CASR: variants seen among roughly 807,000 people sequenced by gnomAD.
The protein encoded by CASR is extracellular calcium-sensing receptor.
A neutral mutation model predicts 69.1 loss-of-function variants in CASR; 23 were observed. The ratio of observed to expected loss-of-function variants is 0.33; its 90% CI spans 0.24 to 0.47. CASR has a LOEUF of 0.47. Ranked by LOEUF, CASR falls within the 20% of genes least tolerant of loss-of-function variation. The pLI is 1.00. For synonymous variants in CASR, 541 were observed against 544.7 expected (o/e 0.99, Z 0.10); for missense variants, 924 against 1,356.1 (o/e 0.68, Z 5.00).
rs77852524 is a variant in CASR at position 122,254,267 on chromosome 3, C to A, written c.78C>A (p.Ala26=). 4 of 1,613,986 alleles carry A rather than the reference C, an allele frequency of 2.5e-6. No individual in the cohort carries two copies. The African/African-American group carries it at 4.0e-5, about 16-fold the overall frequency. The change falls in exon 2 of 7, where the codon GCC becomes GCA. Residue 26 remains alanine, a synonymous_variant. Transcript: ENST00000639785. Reference sequence around the variant, plus strand: ...CTGCCTACGGGCCAGACCAGCGAGCCCAAAAGAAGGGGGACATTATCCTTG... The same window carrying A: ...CTGCCTACGGGCCAGACCAGCGAGCACAAAAGAAGGGGGACATTATCCTTG... The part of the protein sequence containing the change: ...HTSAYGPDQR[A]QKKGDIILGG...
At chr3:122,234,224 T>C (rs2074306437) in intron 1 of CASR, among the ~76,000 whole-genome samples, 1 of 152,236 alleles carries the variant, frequency 6.6e-6, no homozygotes, top group African/African-American at 2.4e-5. Flanking sequence ...CCAAGCTTTG[T>C]GGGCCAATCT....
chr3:122,196,619 C>A (rs748484142), intron 1 of CASR, among the ~76,000 whole-genome samples: 2 of 151,952 alleles, frequency 1.3e-5, no homozygotes, highest in Non-Finnish European at 2.9e-5. Context: ...CTCACTGCAG[C>A]CTTGACCTCC....
intron 4 of CASR, among the ~76,000 whole-genome samples, chr3:122,274,302 G>T (rs2074791229): frequency 6.6e-6 from 1 of 152,230 alleles, no homozygotes; most frequent in Admixed American, 6.5e-5. Flanking sequence ...CATGGACTCT[G>T]CCCCCAAGCA....
intron 4 of CASR, among the ~76,000 whole-genome samples, chr3:122,262,971 A>G (rs952067870): frequency 6.6e-6 from 1 of 152,380 alleles, no homozygotes; most frequent in Non-Finnish European, 1.5e-5. Flanking sequence ...GAGTGTTTCA[A>G]AAAGAAGCAC....
At chr3:122,283,539 A>G in intron 6 of CASR, 148 bp from the exon 7 acceptor site, 6 of 698,532 alleles carry the variant, frequency 8.6e-6, no homozygotes, top group South Asian at 7.6e-5. Context: ...TATTTTTGAT[A>G]ATGTAAAAAT....
chr3:122,194,688 T>G (rs918892649), intron 1 of CASR, among the ~76,000 whole-genome samples: 2 of 152,198 alleles, frequency 1.3e-5, no homozygotes, highest in Non-Finnish European at 2.9e-5. Context: ...ACTAGCCATG[T>G]CTTATAACCC....
At chr3:122,249,404 T>C (rs1207554411) in intron 1 of CASR, among the ~76,000 whole-genome samples, 1 of 152,248 alleles carries the variant, frequency 6.6e-6, no homozygotes, top group Non-Finnish European at 1.5e-5. Flanking sequence ...TTTCTTTCCC[T>C]AGTGTCTTGC....
In CASR at chr3:122,285,708, G is replaced by A. The variant is rs201626418; in HGVS notation, c.*517G>A. The A allele has an allele frequency of 4.0e-5, 7 of 175,386 alleles. No individual in the cohort carries two copies. Among genetic ancestry groups the A allele is most frequent in the Admixed American group, 1.1e-4 (2 of 18,572 alleles). 10.9% of individuals were successfully genotyped at this position (175,386 alleles called of 1,614,324 possible). ...CCATATGATATTTTGTCTCCTACCTGCTGCTGCTATTATGTAACATCCAGA... is the reference window on the plus strand; with the variant it reads ...CCATATGATATTTTGTCTCCTACCTACTGCTGCTATTATGTAACATCCAGA... On this transcript the variant is annotated 3_prime_UTR_variant, in exon 7 of 7. Transcript: ENST00000639785.
chr3:122,191,580 G>A (rs1346378343), intron 1 of CASR, among the ~76,000 whole-genome samples: 1 of 152,110 alleles, frequency 6.6e-6, no homozygotes, highest in Admixed American at 6.5e-5. Context: ...CCAAAGTGCT[G>A]GGATTACAGG....
chr3:122,267,461 G>C (rs1027140513), intron 4 of CASR, among the ~76,000 whole-genome samples: 1 of 152,212 alleles, frequency 6.6e-6, no homozygotes, highest in East Asian at 1.9e-4. Flanking sequence ...GTCTTGAAGG[G>C]TAGATAAAAT....
At position 122,284,730 on chromosome 3, in the gene CASR, C is replaced by A; in HGVS notation, c.2776C>A (p.Gln926Lys). The part of the protein sequence containing the change: ...SKSNSEDPFP[Q>K]PERQKQQQPL... ...GAGCAACAGCGAAGACCCATTCCCA[C>A]AGCCCGAGAGGCAGAAGCAGCAGCA... Residue 926 changes from glutamine to lysine, a missense_variant, in exon 7 of 7, where the codon CAG becomes AAG. By Grantham distance (53) the Gln-to-Lys change is moderately conservative (BLOSUM62 1). Coordinates refer to ENST00000639785, the MANE Select transcript of CASR (RefSeq NM_000388.4). 6.2e-7 allele frequency: 1 copy of A among 1,614,182 alleles called. No individual in the cohort carries two copies. The highest frequency in any genetic ancestry group is 8.5e-7 in the Non-Finnish European group (1 of 1,180,014).
chr3:122,264,497 A>C (rs907705569), intron 4 of CASR, among the ~76,000 whole-genome samples: 2 of 152,228 alleles, frequency 1.3e-5, no homozygotes, highest in Non-Finnish European at 2.9e-5. Flanking sequence ...TCAGGATGCC[A>C]TTACCAAAAG....
chr3:122,252,942 T>G (rs944877261), intron 1 of CASR, among the ~76,000 whole-genome samples: 10 of 151,984 alleles, frequency 6.6e-5, no homozygotes, highest in Admixed American at 2.0e-4. Context: ...ACAGGGTGAG[T>G]GAGATAGGGT....
chr3:122,216,257 C>T (rs913199042), intron 1 of CASR, among the ~76,000 whole-genome samples: 2 of 152,154 alleles, frequency 1.3e-5, no homozygotes, highest in Admixed American at 6.5e-5. Context: ...TTGGGCTGCA[C>T]GTTTGTCCCT....
At chr3:122,211,615 C>T (rs1381977632) in intron 1 of CASR, among the ~76,000 whole-genome samples, 2 of 152,138 alleles carry the variant, frequency 1.3e-5, no homozygotes, top group African/African-American at 2.4e-5. Flanking sequence ...GGCTGAGACA[C>T]AAGAAGTGCC....
rs756483913 is a variant in CASR, at chr3:122,285,201, A to C, written c.*10A>C. The C allele has an allele frequency of 4.3e-6, 7 of 1,613,162 alleles. No individual in the cohort carries two copies. Among genetic ancestry groups the C allele is most frequent in the Non-Finnish European group, 5.9e-6 (7 of 1,179,550 alleles). On this transcript the variant is annotated 3_prime_UTR_variant, in exon 7 of 7. Transcript: ENST00000639785. ...CGTAGTGAATTCATAAAATGGAAGGAGAAGACTGGGCTAGGGAGAATGCAG... is the reference window on the plus strand; with the variant it reads ...CGTAGTGAATTCATAAAATGGAAGGCGAAGACTGGGCTAGGGAGAATGCAG...
chr3:122,282,589 G>A (rs1299145777), intron 6 of CASR, among the ~76,000 whole-genome samples: 1 of 152,200 alleles, frequency 6.6e-6, no homozygotes, highest in Non-Finnish European at 1.5e-5. Flanking sequence ...CCTGCTGGGT[G>A]CCTGGCACTG....
At chr3:122,211,191 GAC>G (rs1299187258) in intron 1 of CASR, among the ~76,000 whole-genome samples, 1 of 151,744 alleles carries the variant, frequency 6.6e-6, no homozygotes, top group African/African-American at 2.4e-5. Context: ...AAGATTTCAT[GAC>G]AAAAATGTCA....
intron 1 of CASR, among the ~76,000 whole-genome samples, chr3:122,251,039 A>G (rs765252140): frequency 1.3e-5 from 2 of 152,246 alleles, no homozygotes; most frequent in Non-Finnish European, 2.9e-5. Flanking sequence ...AAGCAGGACT[A>G]GGGTCAGAAA....
Sources: gnomAD v4.1 joint callset for allele counts (sites outside exome capture counted in the v4.1 genomes callset) on GRCh38, gnomAD v4.1.1 for gene constraint, MANE v1.5 for transcripts, NCBI Gene and HGNC (gene_info 2026-07-23, HGNC 2026-07-21) for gene names.